TASP1: variants seen among roughly 807,000 people sequenced by gnomAD.
The protein encoded by TASP1 is threonine aspartase 1.
TASP1 carries 16 observed loss-of-function variants against 56.6 expected under a neutral mutation model. The ratio of observed to expected loss-of-function variants is 0.28; its 90% CI spans 0.19 to 0.43. The LOEUF is 0.43. Among genes scored for constraint, TASP1 ranks in the 20% least tolerant of loss-of-function variants. The probability of loss-of-function intolerance (pLI) is 1.00; values close to 1 mark genes in which losing one functional copy is unlikely to be tolerated. For missense variants in TASP1, 393 were observed against 511.6 expected, an observed-to-expected ratio of 0.77 and a Z score of 2.24; for synonymous variants, 179 against 184.2, an observed-to-expected ratio of 0.97 and a Z score of 0.23.
At chr20:13,475,591 C>T (rs2044696006) in intron 11 of TASP1, among the ~76,000 whole-genome samples, 2 of 152,154 alleles carry the variant, frequency 1.3e-5, no homozygotes, top group South Asian at 2.1e-4. Flanking sequence ...TCTAGTAATT[C>T]TAATATCTAA....
the TASP1 span, among the ~76,000 whole-genome samples, chr20:13,161,540 CAGACTTACATGGAACTAG>C: frequency 6.6e-6 from 1 of 152,076 alleles, no homozygotes; most frequent in Non-Finnish European, 1.5e-5. Flanking sequence ...GGTGGGGACC[CAGACTTACATGGAACTAG>C]AGCAGTCAGG....
chr20:13,146,441 A>T, the TASP1 span, among the ~76,000 whole-genome samples: 1 of 152,234 alleles, frequency 6.6e-6, no homozygotes, highest in Non-Finnish European at 1.5e-5. Context: ...ATTAAAAAAA[A>T]GAATCACTGA....
chr20:13,160,105 G>A, the TASP1 span: 8 of 1,613,698 alleles, frequency 5.0e-6, no homozygotes, highest in East Asian at 2.2e-5. Context: ...GTGTTTCAGC[G>A]GCACATACCC....
chr20:13,345,916 TAAA>T, the TASP1 span, among the ~76,000 whole-genome samples: 815 of 101,276 alleles, frequency 8.0e-3, 9 homozygotes, highest in African/African-American at 0.024. Context: ...CTCAGTAGGT[TAAA>T]AAAAAAAAAA....
chr20:13,545,267 C>G (rs899707244), intron 8 of TASP1, among the ~76,000 whole-genome samples: 6 of 152,124 alleles, frequency 3.9e-5, no homozygotes, highest in Non-Finnish European at 5.9e-5. Context: ...TAAGTATATT[C>G]TAGGATATAA....
At chr20:13,391,715 C>A (rs1278821026) in intron 13 of TASP1, among the ~76,000 whole-genome samples, 1 of 152,068 alleles carries the variant, frequency 6.6e-6, no homozygotes, top group Non-Finnish European at 1.5e-5. Context: ...CGCTTGTAAT[C>A]CCAGCACTTT....
At chr20:13,606,107 C>T (rs893834139) in intron 4 of TASP1, among the ~76,000 whole-genome samples, 5 of 148,268 alleles carry the variant, frequency 3.4e-5, no homozygotes, top group Admixed American at 1.3e-4. Context: ...GAAGAGGGCC[C>T]ATAAATATAG....
At chr20:13,366,193 G>A in the TASP1 span, among the ~76,000 whole-genome samples, 2 of 152,190 alleles carry the variant, frequency 1.3e-5, no homozygotes, top group Admixed American at 1.3e-4. Context: ...GTAATCTGGA[G>A]TTTGGATGCA....
At chr20:13,310,835 A>G in the TASP1 span, among the ~76,000 whole-genome samples, 3 of 152,224 alleles carry the variant, frequency 2.0e-5, no homozygotes, top group African/African-American at 7.2e-5. Flanking sequence ...CACTAACCGC[A>G]GGAAAATGCA....
chr20:13,533,808 T>C lies in TASP1; in HGVS notation c.795+214A>G, dbSNP rs553591119. 2.0e-5 allele frequency among the ~76,000 whole-genome samples: 3 copies of C among 152,236 alleles called. No homozygotes were observed. The South Asian group carries it at 6.2e-4, about 32-fold the overall frequency. On this transcript the variant is annotated intron_variant, in intron 9 of 13. Transcript: ENST00000337743. ...AAAGGAGAAAAACTAGGATCAACGA[T>C]TGTAAAGATGAGAAACAAACCAATT...
chr20:13,489,788 A>G (rs143543526), intron 10 of TASP1, among the ~76,000 whole-genome samples: 1 of 152,230 alleles, frequency 6.6e-6, no homozygotes, highest in African/African-American at 2.4e-5. Flanking sequence ...AACCATTTTT[A>G]AAGTATGCAA....
At chr20:13,565,301 C>A (rs1166756079) in intron 7 of TASP1, among the ~76,000 whole-genome samples, 2 of 151,706 alleles carry the variant, frequency 1.3e-5, no homozygotes, top group Non-Finnish European at 2.9e-5. Flanking sequence ...TAGAAAACAA[C>A]ATAGGGGAAA....
At chr20:13,351,204 T>C in the TASP1 span, among the ~76,000 whole-genome samples, 1 of 152,196 alleles carries the variant, frequency 6.6e-6, no homozygotes. Context: ...GCAGAGCTAC[T>C]GGAACTCACA....
the TASP1 span, among the ~76,000 whole-genome samples, chr20:13,112,960 A>G: frequency 4.1e-4 from 63 of 152,256 alleles, no homozygotes; most frequent in African/African-American, 1.5e-3. Flanking sequence ...AGGCAGGTGG[A>G]TTACTTGAGG....
the TASP1 span, among the ~76,000 whole-genome samples, chr20:13,311,705 G>A: frequency 6.6e-6 from 1 of 152,126 alleles, no homozygotes; most frequent in Non-Finnish European, 1.5e-5. Context: ...AATTCTGCGT[G>A]ATCTCACTTA....
At chr20:13,299,542 C>T in the TASP1 span, 1 of 1,251,246 alleles carries the variant, frequency 8.0e-7, no homozygotes, top group South Asian at 1.4e-5. The surrounding 1 kb of genome is among the most constrained non-coding windows in gnomAD (Gnocchi z 5.8). Context: ...GGCGCCGAGA[C>T]CTTCATAGCT....
intron 10 of TASP1, among the ~76,000 whole-genome samples, chr20:13,504,772 A>G (rs2044069116): frequency 6.6e-6 from 1 of 152,178 alleles, no homozygotes; most frequent in Non-Finnish European, 1.5e-5. Flanking sequence ...GTTAGCTGTT[A>G]GCTTAAAATA....
the TASP1 span, among the ~76,000 whole-genome samples, chr20:13,157,192 C>A: frequency 6.6e-6 from 1 of 151,498 alleles, no homozygotes; most frequent in Non-Finnish European, 1.5e-5. Context: ...AATCCCAACA[C>A]TTTAGGAGGC....
chr20:13,426,399 T>A (rs117727336), intron 12 of TASP1, among the ~76,000 whole-genome samples: 3,513 of 152,266 alleles, frequency 0.023, 56 homozygotes, highest in South Asian at 0.06. Flanking sequence ...ATTTTTGTAT[T>A]CTATATTTCA....
Sources: gnomAD v4.1 joint callset for allele counts (sites outside exome capture counted in the v4.1 genomes callset) on GRCh38, gnomAD v4.1.1 for gene constraint, Gnocchi (gnomAD v3.1) non-coding constraint, MANE v1.5 for transcripts, NCBI Gene and HGNC (gene_info 2026-07-23, HGNC 2026-07-21) for gene names.